Variants in HSF2BP observed in about 807,000 individuals in gnomAD.
HSF2BP encodes the protein heat shock transcription factor 2 binding protein.
HSF2BP carries 35 observed loss-of-function variants against 35.0 expected under a neutral mutation model. The observed-to-expected ratio is 1.00, with a 90% confidence interval of 0.76 to 1.32. The LOEUF is 1.32. Ranked by LOEUF, HSF2BP falls within the 40% of genes most tolerant of loss-of-function variation. The pLI is 0.00. For missense variants in HSF2BP, 326 were observed against 321.7 expected (o/e 1.01, Z -0.10); for synonymous variants, 114 against 117.4 (o/e 0.97, Z 0.18).
At chr21:43,610,175 G>T (rs555866905) in intron 7 of HSF2BP, among the ~76,000 whole-genome samples, 2 of 152,216 alleles carry the variant, frequency 1.3e-5, no homozygotes, top group East Asian at 3.9e-4. Flanking sequence ...ACACAGACAG[G>T]TGACTCAAAG....
chr21:43,653,214 AG>A (rs2082817609), intron 3 of HSF2BP, among the ~76,000 whole-genome samples: 1 of 106,012 alleles, frequency 9.4e-6, no homozygotes, highest in African/African-American at 3.6e-5. Context: ...AGGGAAGGGA[AG>A]GGGAAGGGAA....
intron 3 of HSF2BP, among the ~76,000 whole-genome samples, chr21:43,651,041 T>C (rs1293047831): frequency 2.0e-5 from 3 of 152,160 alleles, no homozygotes; most frequent in Non-Finnish European, 4.4e-5. Context: ...AGCTGAGTCT[T>C]ACTCGAACCT....
chr21:43,632,351 TACACACACG>T (rs2082487141), intron 5 of HSF2BP, among the ~76,000 whole-genome samples: 1 of 15,050 alleles, frequency 6.6e-5, no homozygotes, highest in Non-Finnish European at 1.2e-4. Flanking sequence ...CATGCTCCCA[TACACACACG>T]CTCCCACACA....
intron 4 of HSF2BP, among the ~76,000 whole-genome samples, chr21:43,637,090 A>G (rs2082572815): frequency 6.6e-6 from 1 of 151,968 alleles, no homozygotes; most frequent in Non-Finnish European, 1.5e-5. Context: ...GGAGTTCGAG[A>G]CCAGCCTGGC....
chr21:43,615,485 C>CT (rs976317896), intron 6 of HSF2BP, among the ~76,000 whole-genome samples: 25 of 152,170 alleles, frequency 1.6e-4, no homozygotes, highest in Admixed American at 3.9e-4. Context: ...TTTGACATTA[C>CT]TATTTACTTT....
At chr21:43,588,127 C>T (rs367677142) in intron 8 of HSF2BP, among the ~76,000 whole-genome samples, 78 of 152,250 alleles carry the variant, frequency 5.1e-4, no homozygotes, top group Admixed American at 9.2e-4. Context: ...CCTGTAATCC[C>T]GGCACTCCGA....
intron 8 of HSF2BP, among the ~76,000 whole-genome samples, chr21:43,589,777 T>C (rs1340378439): frequency 6.6e-6 from 1 of 151,914 alleles, no homozygotes; most frequent in Non-Finnish European, 1.5e-5. Flanking sequence ...TCAAAACAAA[T>C]GGTACTGGAT....
At chr21:43,594,483 C>T (rs539088274) in intron 7 of HSF2BP, among the ~76,000 whole-genome samples, 70 of 152,272 alleles carry the variant, frequency 4.6e-4, no homozygotes, top group African/African-American at 1.6e-3. Flanking sequence ...GTGAGAAAGA[C>T]ATTAATTACT....
intron 7 of HSF2BP, among the ~76,000 whole-genome samples, chr21:43,611,367 G>C (rs1293721365): frequency 6.6e-6 from 1 of 152,190 alleles, no homozygotes; most frequent in Non-Finnish European, 1.5e-5. Flanking sequence ...AAGATGGCCT[G>C]AACACACCCT....
intron 3 of HSF2BP, among the ~76,000 whole-genome samples, chr21:43,651,009 G>A (rs566654250): frequency 1.4e-4 from 21 of 152,072 alleles, no homozygotes; most frequent in African/African-American, 3.6e-4. Flanking sequence ...CACCCGGCCC[G>A]GTTTACATCT....
At chr21:43,616,552 A>C (rs1019767529) in intron 6 of HSF2BP, among the ~76,000 whole-genome samples, 1 of 152,206 alleles carries the variant, frequency 6.6e-6, no homozygotes, top group Admixed American at 6.5e-5. Context: ...CTAAGGCAGG[A>C]GAATCATTTG....
intron 7 of HSF2BP, among the ~76,000 whole-genome samples, chr21:43,602,064 C>T (rs951741950): frequency 3.9e-5 from 6 of 152,162 alleles, no homozygotes; most frequent in African/African-American, 1.4e-4. Flanking sequence ...GAACCACACC[C>T]AGAAAGTGAG....
At chr21:43,632,099 C>T (rs1358613730) in intron 5 of HSF2BP, among the ~76,000 whole-genome samples, 3 of 26,766 alleles carry the variant, frequency 1.1e-4, no homozygotes, top group Non-Finnish European at 2.4e-4. Context: ...CACACACACG[C>T]TCTCCCCACA....
chr21:43,639,250 T>C (rs2082604697), intron 4 of HSF2BP, among the ~76,000 whole-genome samples: 1 of 152,080 alleles, frequency 6.6e-6, no homozygotes, highest in Non-Finnish European at 1.5e-5. Context: ...ATGTGAAAAA[T>C]TCTTAGACAT....
chr21:43,593,012 T>C (rs1458902797), intron 7 of HSF2BP, among the ~76,000 whole-genome samples: 1 of 152,150 alleles, frequency 6.6e-6, no homozygotes, highest in Non-Finnish European at 1.5e-5. Context: ...GCTAGACAAA[T>C]ATTTTTTGCA....
intron 4 of HSF2BP, among the ~76,000 whole-genome samples, chr21:43,643,895 C>G (rs1601718099): frequency 6.6e-6 from 1 of 150,856 alleles, no homozygotes; most frequent in South Asian, 2.1e-4. Flanking sequence ...GCGGAGCTTG[C>G]AGTGAGCCGA....
At chr21:43,600,846 A>G (rs1334259916) in intron 7 of HSF2BP, among the ~76,000 whole-genome samples, 1 of 152,196 alleles carries the variant, frequency 6.6e-6, no homozygotes, top group Non-Finnish European at 1.5e-5. Flanking sequence ...GCTATGTCTG[A>G]TATTTAAACT....
chr21:43,622,016 T>A (rs1187442282), intron 6 of HSF2BP, among the ~76,000 whole-genome samples: 1 of 152,070 alleles, frequency 6.6e-6, no homozygotes, highest in African/African-American at 2.4e-5. Context: ...AAAGTCAAAA[T>A]ATGGGGGATG....
chr21:43,637,715 G>A (rs1008366119), intron 4 of HSF2BP, among the ~76,000 whole-genome samples: 4 of 151,652 alleles, frequency 2.6e-5, no homozygotes, highest in Non-Finnish European at 5.9e-5. Context: ...TCAGGCAATT[G>A]GATCCTTTGG....
Sources: gnomAD v4.1 joint callset for allele counts (sites outside exome capture counted in the v4.1 genomes callset) on GRCh38, gnomAD v4.1.1 for gene constraint, MANE v1.5 for transcripts, NCBI Gene and HGNC (gene_info 2026-07-23, HGNC 2026-07-21) for gene names.